Variants in NPAS3 observed in about 807,000 individuals in gnomAD.
NPAS3 encodes the protein neuronal PAS domain-containing protein 3.
A neutral mutation model predicts 73.1 loss-of-function variants in NPAS3; 14 were observed. The ratio of observed to expected loss-of-function variants is 0.19; its 90% CI spans 0.13 to 0.30. NPAS3 has a LOEUF of 0.30. NPAS3 is among the 10% of genes least tolerant of loss of function. The pLI, the probability that NPAS3 is intolerant of heterozygous loss-of-function variation, is 1.00. For synonymous variants in NPAS3, 620 were observed against 541.5 expected (o/e 1.14, Z -2.01); for missense variants, 1,096 against 1,250.0 (o/e 0.88, Z 1.86).
Position 33,367,273 on chromosome 14 carries a change from C to A in NPAS3, c.468+5C>A. ...TTGGGAAGCCACATTTTGCAGGTACCTTTAAAACAAAAAGAAGCTTTCTTA... is the reference window on the plus strand; with the variant it reads ...TTGGGAAGCCACATTTTGCAGGTACATTTAAAACAAAAAGAAGCTTTCTTA... On this transcript the variant is annotated splice_donor_5th_base_variant and intron_variant, in intron 4 of 11. Transcript: ENST00000356141. The A allele has an allele frequency of 1.2e-6, 1 of 851,882 alleles. No homozygotes were observed. The highest frequency in any genetic ancestry group is 1.4e-5 in the South Asian group (1 of 71,388). 52.8% of individuals were successfully genotyped at this position (851,882 alleles called of 1,614,324 possible).
chr14:33,424,474 C>T (rs2048475255), intron 4 of NPAS3, among the ~76,000 whole-genome samples: 1 of 151,982 alleles, frequency 6.6e-6, no homozygotes, highest in East Asian at 1.9e-4. Flanking sequence ...GGGGGCAAGC[C>T]TGGAGGTCAG....
intron 3 of NPAS3, among the ~76,000 whole-genome samples, chr14:33,301,865 T>C (rs1467934780): frequency 6.6e-6 from 1 of 152,196 alleles, no homozygotes; most frequent in African/African-American, 2.4e-5. Flanking sequence ...CATGGTGTAA[T>C]GATAGGTACT....
chr14:33,670,465 AT>A, intron 5 of NPAS3, among the ~76,000 whole-genome samples: 1 of 152,372 alleles, frequency 6.6e-6, no homozygotes, highest in Admixed American at 6.5e-5. Flanking sequence ...AAAACAGTTC[AT>A]AAATATTCAG....
intron 3 of NPAS3, among the ~76,000 whole-genome samples, chr14:33,225,602 T>A (rs2047600454): frequency 6.6e-6 from 1 of 152,246 alleles, no homozygotes; most frequent in South Asian, 2.1e-4. Context: ...CATTTGGCTG[T>A]TTTAATAAAA....
chr14:33,515,566 G>A (rs902976324), intron 4 of NPAS3, among the ~76,000 whole-genome samples: 2 of 152,008 alleles, frequency 1.3e-5, no homozygotes, highest in Non-Finnish European at 2.9e-5. Context: ...CTCTACAACA[G>A]CAGAGTTGTG....
chr14:33,120,109 C>G (rs1040951270), intron 2 of NPAS3, among the ~76,000 whole-genome samples: 1 of 151,948 alleles, frequency 6.6e-6, no homozygotes, highest in East Asian at 1.9e-4. Flanking sequence ...TATAGGCACC[C>G]GCCACCAGGC....
intron 5 of NPAS3, among the ~76,000 whole-genome samples, chr14:33,668,041 A>C (rs1232350702): frequency 6.6e-6 from 1 of 152,202 alleles, no homozygotes; most frequent in Non-Finnish European, 1.5e-5. Flanking sequence ...TCATGGTGAC[A>C]CGGAGAAGGA....
intron 7 of NPAS3, among the ~76,000 whole-genome samples, chr14:33,765,365 T>C (rs2062428144): frequency 6.7e-6 from 1 of 148,650 alleles, no homozygotes; most frequent in Non-Finnish European, 1.5e-5. Flanking sequence ...AGCCATCAAA[T>C]GAAGGGTTAA....
At chr14:33,082,118 A>G (rs2041879023) in intron 2 of NPAS3, among the ~76,000 whole-genome samples, 1 of 152,230 alleles carries the variant, frequency 6.6e-6, no homozygotes, top group African/African-American at 2.4e-5. Flanking sequence ...GACTGGCCCA[A>G]AGAGAATCAA....
chr14:33,610,609 G>A (rs1420313184), intron 5 of NPAS3, among the ~76,000 whole-genome samples: 2 of 152,098 alleles, frequency 1.3e-5, no homozygotes, highest in African/African-American at 4.8e-5. Flanking sequence ...GGTTGTTCAT[G>A]TTGATTACAT....
chr14:33,017,118 G>C (rs2039424312), intron 1 of NPAS3, among the ~76,000 whole-genome samples: 1 of 152,088 alleles, frequency 6.6e-6, no homozygotes, highest in Non-Finnish European at 1.5e-5. Flanking sequence ...TTTCAGCTGG[G>C]ACTTTGGAAT....
At chr14:33,426,546 G>T (rs2048562432) in intron 4 of NPAS3, among the ~76,000 whole-genome samples, 2 of 152,000 alleles carry the variant, frequency 1.3e-5, no homozygotes, top group Non-Finnish European at 2.9e-5. Context: ...TTACTTTAGG[G>T]TTGAGGCTTT....
At chr14:33,089,147 G>A (rs2042136259) in intron 2 of NPAS3, among the ~76,000 whole-genome samples, 1 of 152,202 alleles carries the variant, frequency 6.6e-6, no homozygotes, top group African/African-American at 2.4e-5. Flanking sequence ...AACCTGGACG[G>A]AGAATATCTT....
chr14:33,557,826 A>G (rs866211696), intron 4 of NPAS3, among the ~76,000 whole-genome samples: 3 of 152,138 alleles, frequency 2.0e-5, no homozygotes, highest in South Asian at 2.1e-4. Context: ...AAAATTAGCC[A>G]GGCGTGGTGG....
chr14:33,705,308 TAC>T (rs2060626383), intron 6 of NPAS3, among the ~76,000 whole-genome samples: 1 of 152,198 alleles, frequency 6.6e-6, no homozygotes, highest in African/African-American at 2.4e-5. Flanking sequence ...TAGTAGCATC[TAC>T]ACAGTTAGTT....
intron 5 of NPAS3, among the ~76,000 whole-genome samples, chr14:33,640,276 G>A (rs2058642359): frequency 6.6e-6 from 1 of 152,062 alleles, no homozygotes; most frequent in Non-Finnish European, 1.5e-5. Flanking sequence ...AGAAAAGAGT[G>A]TCAGTTGAAC....
intron 8 of NPAS3, 25 bp from the exon 9 acceptor site, chr14:33,778,441 C>T: frequency 1.3e-6 from 2 of 1,490,388 alleles, no homozygotes; most frequent in African/African-American, 1.4e-5. Flanking sequence ...TTTCTGAATT[C>T]CAGCCTGTGT....
At chr14:33,543,811 A>G (rs1480804153) in intron 4 of NPAS3, among the ~76,000 whole-genome samples, 1 of 151,982 alleles carries the variant, frequency 6.6e-6, no homozygotes, top group Non-Finnish European at 1.5e-5. Context: ...GCTGTTTGAT[A>G]TCAAAAACTC....
chr14:33,791,269 G>A (rs373513451), intron 9 of NPAS3, among the ~76,000 whole-genome samples: 31 of 152,312 alleles, frequency 2.0e-4, no homozygotes, highest in East Asian at 1.9e-3. Flanking sequence ...CAAGGAAGCC[G>A]TGAGCCATTC....
Sources: gnomAD v4.1 joint callset for allele counts (sites outside exome capture counted in the v4.1 genomes callset) on GRCh38, gnomAD v4.1.1 for gene constraint, MANE v1.5 for transcripts, NCBI Gene and HGNC (gene_info 2026-07-23, HGNC 2026-07-21) for gene names.